TSEN2: variants seen among roughly 807,000 people sequenced by gnomAD.
The protein encoded by TSEN2 is tRNA-splicing endonuclease subunit Sen2.
In TSEN2, 54 loss-of-function variants were observed where a neutral mutation model predicts 59.2. That is an observed-to-expected ratio of 0.91 (90% CI 0.73 to 1.14). The LOEUF (loss-of-function observed/expected upper bound fraction) is 1.14. Ranked by LOEUF, TSEN2 falls within the 50% of genes most tolerant of loss-of-function variation. The pLI is 0.00. For missense variants in TSEN2, 636 were observed against 576.2 expected, an observed-to-expected ratio of 1.10 and a Z score of -1.06; for synonymous variants, 195 against 198.2, an observed-to-expected ratio of 0.98 and a Z score of 0.14.
intron 6 of TSEN2, among the ~76,000 whole-genome samples, chr3:12,507,959 C>T (rs148313085): frequency 8.5e-5 from 13 of 152,206 alleles, no homozygotes; most frequent in African/African-American, 3.1e-4. Context: ...AGTAAAGGCT[C>T]TTCCAGATAG....
At position 12,519,569 on chromosome 3, in the gene TSEN2, C is replaced by T. The variant is rs554119619; in HGVS notation, c.1099+372C>T. Among the ~76,000 whole-genome samples the T allele has an allele frequency of 2.0e-5, 3 of 152,228 alleles. No homozygotes were observed. In the East Asian group the frequency reaches 5.8e-4, roughly 29 times the overall value. On this transcript the variant is annotated intron_variant, in intron 8 of 11. Transcript: ENST00000284995. Reference sequence around the variant, plus strand: ...GACCATCCTGACTAACAAAGTGAAACCCCTTCTCTACTAAAAAATATAAAA... The same window carrying T: ...GACCATCCTGACTAACAAAGTGAAATCCCTTCTCTACTAAAAAATATAAAA...
intron 3 of TSEN2, among the ~76,000 whole-genome samples, chr3:12,493,499 C>T (rs1470635572): frequency 2.6e-5 from 4 of 152,138 alleles, no homozygotes; most frequent in South Asian, 2.1e-4. Flanking sequence ...GAGGCCGAGG[C>T]GGGCAGATCA....
At chr3:12,495,955 G>A (rs1184955451) in intron 3 of TSEN2, among the ~76,000 whole-genome samples, 3 of 152,174 alleles carry the variant, frequency 2.0e-5, no homozygotes, top group Non-Finnish European at 2.9e-5. Flanking sequence ...GCAGGAGCCC[G>A]CCTGTCAGAA....
rs117974359 is a variant in TSEN2 at position 12,526,419 on chromosome 3, A to G, written c.1100-2469A>G. Among the ~76,000 whole-genome samples, 12 of 152,284 alleles carry G rather than the reference A, an allele frequency of 7.9e-5. No individual in the cohort carries two copies. The East Asian group carries it at 2.3e-3, about 29-fold the overall frequency. On this transcript the variant is annotated intron_variant, in intron 8 of 11. Coordinates refer to ENST00000284995, the MANE Select transcript of TSEN2 (RefSeq NM_025265.4). ...CACAGATATTTAACCATTGTGTTAT[A>G]ATTGTCTACAGATTCAGCACAGTCA... is the stretch of plus-strand genomic sequence containing the variant.
At chr3:12,536,750 T>C (rs531598484), downstream of TSEN2, among the ~76,000 whole-genome samples, 10 of 152,104 alleles carry the variant, frequency 6.6e-5, no homozygotes, top group East Asian at 1.6e-3. Flanking sequence ...CCTATAATCC[T>C]AGCACTTTGG....
At chr3:12,534,048 G>A (rs1439473392), downstream of TSEN2, among the ~76,000 whole-genome samples, 2 of 152,132 alleles carry the variant, frequency 1.3e-5, no homozygotes, top group African/African-American at 4.8e-5. Flanking sequence ...GACTGGACCT[G>A]AGATCACTAT....
At chr3:12,480,487 A>G (rs994215995), upstream of TSEN2, among the ~76,000 whole-genome samples, 2 of 142,526 alleles carry the variant, frequency 1.4e-5, no homozygotes, top group Non-Finnish European at 1.5e-5. Context: ...TTTATATTTC[A>G]GTACTGAATG....
intron 6 of TSEN2, among the ~76,000 whole-genome samples, chr3:12,508,383 C>T (rs1296908517): frequency 2.0e-5 from 3 of 152,164 alleles, no homozygotes; most frequent in Non-Finnish European, 4.4e-5. Context: ...GGGAGCACAC[C>T]GTTAAACCTA....
chr3:12,495,943 C>T (rs2053704731), intron 3 of TSEN2, among the ~76,000 whole-genome samples: 1 of 152,226 alleles, frequency 6.6e-6, no homozygotes, highest in Non-Finnish European at 1.5e-5. Flanking sequence ...GATTCAGAAA[C>T]AGCAGGAGCC....
In TSEN2 at chr3:12,532,526, T is replaced by C. The variant is rs991770658; in HGVS notation, c.1339-136T>C. ...GTTACATTCATTTTCTCCAGATGTT[T>C]CTGTTCTAAAGGTGGGAACAGTATC... is the stretch of plus-strand genomic sequence containing the variant. On this transcript the variant is annotated intron_variant, in intron 11 of 11. Transcript: ENST00000284995. 3.9e-6 allele frequency: 3 copies of C among 776,306 alleles called. No individual in the cohort carries two copies. The South Asian group carries it at 4.7e-5, about 12-fold the overall frequency. 48.1% of individuals were successfully genotyped at this position (776,306 alleles called of 1,614,324 possible).
chr3:12,502,701 T>TTTTTTTTTTTC (rs2054413386), intron 4 of TSEN2, among the ~76,000 whole-genome samples: 1 of 146,316 alleles, frequency 6.8e-6, no homozygotes, highest in South Asian at 2.2e-4. Context: ...TTTTTTTTTT[T>TTTTTTTTTTTC]CAAATAAAGC....
chr3:12,503,827 T>C, intron 5 of TSEN2, 43 bp downstream of exon 5: 1 of 1,593,378 alleles, frequency 6.3e-7, no homozygotes, highest in Non-Finnish European at 8.5e-7. Context: ...AGCCATCCGT[T>C]CCTGGAGATG....
chr3:12,536,312 A>G (rs1250179691), downstream of TSEN2, among the ~76,000 whole-genome samples: 13 of 152,184 alleles, frequency 8.5e-5, no homozygotes, highest in Admixed American at 7.2e-4. Flanking sequence ...GGAGTAATTC[A>G]TGCATGCTGT....
chr3:12,520,881 ACC>A (rs1283378973), intron 8 of TSEN2, among the ~76,000 whole-genome samples: 3 of 152,126 alleles, frequency 2.0e-5, no homozygotes, highest in Non-Finnish European at 4.4e-5. Flanking sequence ...TTATTTGATC[ACC>A]CAGGTACTAG....
intron 8 of TSEN2, among the ~76,000 whole-genome samples, chr3:12,528,532 C>T (rs372409759): frequency 2.6e-4 from 40 of 152,248 alleles, no homozygotes; most frequent in African/African-American, 8.7e-4. Context: ...CCAGCCTGGG[C>T]AACATAGTGG....
downstream of TSEN2, among the ~76,000 whole-genome samples, chr3:12,535,614 C>T (rs1410990530): frequency 3.9e-5 from 6 of 152,140 alleles, no homozygotes; most frequent in Non-Finnish European, 1.5e-5. Flanking sequence ...TCACTGCAAC[C>T]TCCACTTCCT....
chr3:12,499,997 GT>G (rs2054136818), intron 4 of TSEN2, among the ~76,000 whole-genome samples: 1 of 152,198 alleles, frequency 6.6e-6, no homozygotes, highest in African/African-American at 2.4e-5. Flanking sequence ...GGAGAGGTGT[GT>G]GTTCAAGGGT....
intron 4 of TSEN2, among the ~76,000 whole-genome samples, chr3:12,499,234 CA>C (rs2054052196): frequency 6.6e-6 from 1 of 152,156 alleles, no homozygotes; most frequent in Non-Finnish European, 1.5e-5. Context: ...GGAACTGACA[CA>C]AGTAGGGGTA....
chr3:12,538,121 A>T (rs545999220), downstream of TSEN2, among the ~76,000 whole-genome samples: 1 of 152,258 alleles, frequency 6.6e-6, no homozygotes, highest in African/African-American at 2.4e-5. Context: ...TATGCCATGC[A>T]TTCTTTCCCA....
Sources: allele counts gnomAD v4.1 joint callset (sites outside exome capture counted in the v4.1 genomes callset), GRCh38; gene constraint gnomAD v4.1.1; transcripts MANE v1.5; gene names NCBI Gene and HGNC (gene_info 2026-07-23, HGNC 2026-07-21).